Variants in ANO5 observed in about 807,000 individuals in gnomAD.
ANO5 encodes the protein anoctamin 5.
Under a neutral mutation model 121.0 loss-of-function variants are expected in ANO5, and 109 were observed. The observed-to-expected ratio is 0.90, with a 90% CI of 0.77 to 1.06. ANO5 has a LOEUF of 1.06. Among genes scored for constraint, ANO5 ranks in the 50% least tolerant of loss-of-function variants. The pLI, the probability that ANO5 is intolerant of heterozygous loss-of-function variation, is 0.00. For synonymous variants in ANO5, 406 were observed against 359.9 expected (o/e 1.13, Z -1.45); for missense variants, 1,064 against 1,078.5 (o/e 0.99, Z 0.19).
rs75783884 is a variant in ANO5 at position 22,253,970 on chromosome 11, T to C, written c.1181-1401T>C. ...TCAATTAAGCAAGATGAATAAGGTC[T>C]GTACAACATTGTACTAATGGTCCAC... On this transcript the variant is annotated intron_variant, in intron 12 of 21. Transcript: ENST00000324559. Among the ~76,000 whole-genome samples the C allele has an allele frequency of 0.013, 2,040 of 152,286 alleles. 144 individuals are homozygous for C. The East Asian group carries it at 0.21, about 15-fold the overall frequency.
At position 22,211,170 on chromosome 11, in the gene ANO5, T is replaced by C. The variant is rs1852263586; in HGVS notation, c.88-94T>C. On this transcript the variant is annotated intron_variant, in intron 2 of 21. Transcript: ENST00000324559. ...TGGTTCCAGATTAAGTGTTTCTGCA[T>C]AGAGATTACAGAGTTGTTACTGAAA... 2.3e-6 allele frequency: 3 copies of C among 1,313,290 alleles called. No individual in the cohort carries two copies. The South Asian group carries it at 3.5e-5, about 15-fold the overall frequency. 81.4% of individuals were successfully genotyped at this position (1,313,290 alleles called of 1,614,324 possible). A position where few individuals can be genotyped will look rare whatever the true frequency, so the allele number is the denominator to read the frequency against.
chr11:22,234,235 G>C (rs889957301), intron 7 of ANO5, among the ~76,000 whole-genome samples: 1 of 152,090 alleles, frequency 6.6e-6, no homozygotes, highest in Non-Finnish European at 1.5e-5. Flanking sequence ...TCTTCAATTA[G>C]GACATGAACA....
Position 22,236,345 on chromosome 11 carries a change from G to T in ANO5, c.762+69G>T. The T allele has an allele frequency of 2.4e-6, 3 of 1,273,298 alleles. No individual in the cohort carries two copies. In the South Asian group the frequency reaches 3.6e-5, roughly 15 times the overall value. The allele number at this position is 1,273,298 out of a possible 1,614,324, so 78.9% of individuals were successfully genotyped here. A position where few individuals can be genotyped will look rare whatever the true frequency, so the allele number is the denominator to read the frequency against. On this transcript the variant is annotated intron_variant, in intron 8 of 21. Coordinates refer to ENST00000324559, the MANE Select transcript of ANO5 (RefSeq NM_213599.3). ...CTGCCATGTTCATTACTGGGAGAGA[G>T]AATCTTCCTTTACTTCAGTTGCTTA...
intron 5 of ANO5, among the ~76,000 whole-genome samples, chr11:22,224,951 G>A (rs116082710): frequency 7.2e-5 from 11 of 152,126 alleles, no homozygotes; most frequent in African/African-American, 2.6e-4. Context: ...AGGTAAAAAT[G>A]TGGATCTCAT....
intron 20 of ANO5, among the ~76,000 whole-genome samples, chr11:22,275,862 G>T (rs1381767283): frequency 6.6e-6 from 1 of 151,728 alleles, no homozygotes; most frequent in African/African-American, 2.4e-5. Flanking sequence ...GGGCAAGAGA[G>T]AAGTTCCTCT....
At position 22,236,280 on chromosome 11, in the gene ANO5, T is replaced by A. The variant is rs1564928770; in HGVS notation, c.762+4T>A. The A allele has an allele frequency of 6.3e-7, 1 of 1,595,392 alleles. No individual in the cohort carries two copies. The highest frequency in any genetic ancestry group is 8.6e-7 in the Non-Finnish European group (1 of 1,163,466). ...ATCTGCCTATCCACTCCATGATGTATGTATAGGTTTGATTGTGAAAATCTG... is the reference window on the plus strand; with the variant it reads ...ATCTGCCTATCCACTCCATGATGTAAGTATAGGTTTGATTGTGAAAATCTG... On this transcript the variant is annotated splice_donor_region_variant and intron_variant, in intron 8 of 21. Coordinates refer to ENST00000324559, the MANE Select transcript of ANO5 (RefSeq NM_213599.3).
At position 22,236,334 on chromosome 11, in the gene ANO5, A is replaced by G. The variant is rs1782906480; in HGVS notation, c.762+58A>G. 9 of 1,343,254 alleles carry G rather than the reference A, an allele frequency of 6.7e-6. No individual in the cohort carries two copies. In the South Asian group the frequency reaches 1.1e-4, roughly 16 times the overall value. 83.2% of individuals were successfully genotyped at this position (1,343,254 alleles called of 1,614,324 possible). A position where few individuals can be genotyped will look rare whatever the true frequency, so the allele number is the denominator to read the frequency against. On this transcript the variant is annotated intron_variant, in intron 8 of 21. Coordinates refer to ENST00000324559, the MANE Select transcript of ANO5 (RefSeq NM_213599.3). ...TTATTTTCCTCCTGCCATGTTCATT[A>G]CTGGGAGAGAGAATCTTCCTTTACT...
intron 9 of ANO5, among the ~76,000 whole-genome samples, chr11:22,246,666 G>A (rs7128494): frequency 0.15 from 22,420 of 151,390 alleles, 4,811 homozygotes; most frequent in African/African-American, 0.47. Flanking sequence ...GTGAAACCCC[G>A]TTTCTACCTA....
At chr11:22,205,748 A>C (rs1188582646) in intron 2 of ANO5, among the ~76,000 whole-genome samples, 1 of 152,050 alleles carries the variant, frequency 6.6e-6, no homozygotes, top group Non-Finnish European at 1.5e-5. Context: ...TTGCGCTGGG[A>C]CATATGTAAC....
At chr11:22,266,241 C>T (rs1854361733) in intron 17 of ANO5, among the ~76,000 whole-genome samples, 1 of 152,158 alleles carries the variant, frequency 6.6e-6, no homozygotes. Flanking sequence ...TCCGAAATTT[C>T]TAGCCATGTT....
At chr11:22,250,521 G>T (rs1853776339) in intron 10 of ANO5, 150 bp downstream of exon 10, 2 of 1,210,804 alleles carry the variant, frequency 1.7e-6, no homozygotes, top group Admixed American at 4.1e-5. Flanking sequence ...AAACATAACA[G>T]TTGCCTCTCA....
chr11:22,240,155 CA>C (rs1468669787), intron 9 of ANO5, among the ~76,000 whole-genome samples: 1 of 151,828 alleles, frequency 6.6e-6, no homozygotes, highest in Non-Finnish European at 1.5e-5. Flanking sequence ...GAACATAAGA[CA>C]AAGGTTGTGT....
chr11:22,208,040 T>A (rs1009841544), intron 2 of ANO5, among the ~76,000 whole-genome samples: 1 of 151,950 alleles, frequency 6.6e-6, no homozygotes, highest in Non-Finnish European at 1.5e-5. Flanking sequence ...ACTTACTAGT[T>A]AGGATGCAGA....
intron 2 of ANO5, among the ~76,000 whole-genome samples, chr11:22,207,994 A>G (rs2133538945): frequency 6.6e-6 from 1 of 152,156 alleles, no homozygotes; most frequent in East Asian, 1.9e-4. Flanking sequence ...GTATATGCCT[A>G]TTAGAAGAGC....
intron 12 of ANO5, among the ~76,000 whole-genome samples, chr11:22,252,058 A>AAC (rs1853842411): frequency 7.4e-6 from 1 of 134,876 alleles, no homozygotes; most frequent in African/African-American, 2.9e-5. Context: ...AAAAAAAAAA[A>AAC]ACTAGGCAAG....
At chr11:22,218,184 T>C in intron 3 of ANO5, 62 bp from the exon 4 acceptor site, 1 of 1,591,468 alleles carries the variant, frequency 6.3e-7, no homozygotes, top group Non-Finnish European at 8.6e-7. Flanking sequence ...TTTGTCTTTT[T>C]TTTGGAATCT....
chr11:22,257,890 T>C, intron 14 of ANO5, 136 bp downstream of exon 14: 1 of 727,316 alleles, frequency 1.4e-6, no homozygotes, highest in Non-Finnish European at 2.3e-6. Context: ...TGGTTATAGC[T>C]CTTATACAAA....
chr11:22,275,309 GACACAC>G (rs56171321), intron 20 of ANO5, among the ~76,000 whole-genome samples: 9 of 148,610 alleles, frequency 6.1e-5, no homozygotes, highest in East Asian at 2.0e-4. Flanking sequence ...ACAATTTAAA[GACACAC>G]ACACACACAC....
chr11:22,211,165 CT>C, intron 2 of ANO5, 98 bp from the exon 3 acceptor site: 1 of 1,274,850 alleles, frequency 7.8e-7, no homozygotes, highest in Non-Finnish European at 1.1e-6. Context: ...TTAAGTGTTT[CT>C]GCATAGAGAT....
Sources: allele counts gnomAD v4.1 joint callset (sites outside exome capture counted in the v4.1 genomes callset), GRCh38; gene constraint gnomAD v4.1.1; transcripts MANE v1.5; gene names NCBI Gene and HGNC (gene_info 2026-07-23, HGNC 2026-07-21).